The following STK33 variants were observed in gnomAD, a reference collection of about 807,000 sequenced individuals.
STK33 encodes serine/threonine-protein kinase 33.
In STK33, 52 loss-of-function variants were observed where a neutral mutation model predicts 58.0. The observed-to-expected ratio is 0.90, with a 90% CI of 0.72 to 1.13. The LOEUF is 1.13. Among genes scored for constraint, STK33 ranks in the 50% most tolerant of loss-of-function variants. STK33 has a pLI of 0.00. For missense variants in STK33, 630 were observed against 604.2 expected, an observed-to-expected ratio of 1.04 and a Z score of -0.45; for synonymous variants, 215 against 200.1, an observed-to-expected ratio of 1.07 and a Z score of -0.63.
At chr11:8,497,753 C>A (rs1345282617) in intron 1 of STK33, among the ~76,000 whole-genome samples, 2 of 152,192 alleles carry the variant, frequency 1.3e-5, no homozygotes, top group Non-Finnish European at 2.9e-5. Context: ...TGAGCCACCA[C>A]ACATGGCCAA....
intron 15 of STK33, among the ~76,000 whole-genome samples, chr11:8,394,585 T>C (rs1849030542): frequency 6.6e-6 from 1 of 152,192 alleles, no homozygotes; most frequent in African/African-American, 2.4e-5. Context: ...AATTGAGTCA[T>C]TATAGTAGTT....
intron 6 of STK33, among the ~76,000 whole-genome samples, chr11:8,471,094 AG>A (rs1372745208): frequency 6.6e-6 from 1 of 152,232 alleles, no homozygotes; most frequent in East Asian, 1.9e-4. Flanking sequence ...TATTTTGTAA[AG>A]TGAGTTAAAT....
intron 1 of STK33, among the ~76,000 whole-genome samples, chr11:8,546,479 A>G (rs976036983): frequency 6.6e-6 from 1 of 152,198 alleles, no homozygotes; most frequent in African/African-American, 2.4e-5. Context: ...ATTTTGAAAT[A>G]TAAAATAAAT....
Position 8,473,291 on chromosome 11 carries a change from A to G in STK33, c.226-15T>C. ...GTTCTTGAGGGCTGGGACCAAAAAA[A>G]AAATTAAAAAAAAAAAACTTTAAGA... On this transcript the variant is annotated splice_polypyrimidine_tract_variant and intron_variant, in intron 5 of 15. Coordinates refer to ENST00000687296, the MANE Select transcript of STK33 (RefSeq NM_001352389.2). 1 of 1,454,180 alleles carries G rather than the reference A, an allele frequency of 6.9e-7. No homozygotes were observed. The highest frequency in any genetic ancestry group is 1.2e-5 in the South Asian group (1 of 81,668). 90.1% of individuals were successfully genotyped at this position (1,454,180 alleles called of 1,614,324 possible). A position where few individuals can be genotyped will look rare whatever the true frequency, so the allele number is the denominator to read the frequency against.
At chr11:8,494,067 T>C (rs991928190) in intron 1 of STK33, among the ~76,000 whole-genome samples, 1 of 152,214 alleles carries the variant, frequency 6.6e-6, no homozygotes. Flanking sequence ...TCACCATTCC[T>C]ATTCAACAAA....
intron 1 of STK33, among the ~76,000 whole-genome samples, chr11:8,592,584 ACCTC>A (rs2032789679): frequency 6.6e-6 from 1 of 151,780 alleles, no homozygotes. Context: ...CTGCCCTTTG[ACCTC>A]CCTATAATTT....
the STK33 span, among the ~76,000 whole-genome samples, chr11:8,362,693 G>A: frequency 6.6e-6 from 1 of 152,172 alleles, no homozygotes; most frequent in African/African-American, 2.4e-5. Flanking sequence ...CGCTTCTCTA[G>A]AGCTGGGATC....
chr11:8,444,760 T>C (rs895074283), intron 11 of STK33, among the ~76,000 whole-genome samples: 2 of 152,054 alleles, frequency 1.3e-5, no homozygotes, highest in African/African-American at 4.8e-5. Flanking sequence ...ACTTGGATAA[T>C]TTAGTATAAA....
intron 1 of STK33, among the ~76,000 whole-genome samples, chr11:8,544,708 T>C (rs546452734): frequency 3.9e-5 from 6 of 152,246 alleles, no homozygotes; most frequent in African/African-American, 1.2e-4. Context: ...GAACCTACCA[T>C]TTATGCATGG....
At chr11:8,440,281 C>A (rs1474671199) in intron 12 of STK33, among the ~76,000 whole-genome samples, 1 of 152,026 alleles carries the variant, frequency 6.6e-6, no homozygotes, top group Admixed American at 6.6e-5. Context: ...CCACTCCCAC[C>A]TATGCTCTGC....
intron 1 of STK33, among the ~76,000 whole-genome samples, chr11:8,497,807 C>G (rs374919209): frequency 8.5e-5 from 13 of 152,264 alleles, no homozygotes; most frequent in African/African-American, 1.9e-4. Context: ...ACCTATCAAC[C>G]AAGAATTCTA....
chr11:8,477,781 C>A (rs1315845206), intron 2 of STK33, among the ~76,000 whole-genome samples: 1 of 152,132 alleles, frequency 6.6e-6, no homozygotes, highest in African/African-American at 2.4e-5. Flanking sequence ...TTGTCACAGA[C>A]TTCTGAGTAC....
At chr11:8,436,577 A>G (rs1034987792) in intron 12 of STK33, among the ~76,000 whole-genome samples, 2 of 152,230 alleles carry the variant, frequency 1.3e-5, no homozygotes, top group African/African-American at 4.8e-5. Flanking sequence ...GAAAAATACA[A>G]TGAGTTATCA....
intron 1 of STK33, among the ~76,000 whole-genome samples, chr11:8,583,992 C>T (rs2030962553): frequency 1.3e-5 from 2 of 151,118 alleles, no homozygotes; most frequent in Admixed American, 1.3e-4. Flanking sequence ...TGGCTGAGCT[C>T]AAAAAGCTAA....
At chr11:8,589,725 G>C (rs972208947) in intron 1 of STK33, among the ~76,000 whole-genome samples, 1 of 152,170 alleles carries the variant, frequency 6.6e-6, no homozygotes, top group African/African-American at 2.4e-5. Context: ...TACCATCAAA[G>C]AGATATGACA....
At chr11:8,528,458 G>A (rs181856255) in intron 1 of STK33, among the ~76,000 whole-genome samples, 48 of 152,284 alleles carry the variant, frequency 3.2e-4, no homozygotes, top group African/African-American at 1.2e-3. Context: ...GGTAACTGCT[G>A]CTAATCCAAG....
rs546643690 is a variant in STK33, at chr11:8,470,022, A to C, written c.339+3141T>G. ...AGGCCCTAGGAATTTCAAAACAATA[A>C]ATGAGCAGTGGCTTCAACTTAAAGT... On this transcript the variant is annotated intron_variant, in intron 6 of 15. Transcript: ENST00000687296. Among the ~76,000 whole-genome samples the C allele has an allele frequency of 5.9e-5, 9 of 152,354 alleles. No homozygotes were observed. In the South Asian group the frequency reaches 8.3e-4, roughly 14 times the overall value.
chr11:8,558,501 T>A (rs77013799), intron 1 of STK33, among the ~76,000 whole-genome samples: 8,640 of 152,224 alleles, frequency 0.057, 325 homozygotes, highest in Non-Finnish European at 0.076. Context: ...GCACCTTACC[T>A]TGAAAAAAAC....
intron 1 of STK33, chr11:8,554,980 T>A (rs1956631247): frequency 6.6e-6 from 1 of 152,154 alleles, no homozygotes; most frequent in Non-Finnish European, 1.5e-5. Context: ...GGGGACATTA[T>A]GTTAACTGAA....
Sources: gnomAD v4.1 joint callset for allele counts (sites outside exome capture counted in the v4.1 genomes callset) on GRCh38, gnomAD v4.1.1 for gene constraint, MANE v1.5 for transcripts, NCBI Gene and HGNC (gene_info 2026-07-23, HGNC 2026-07-21) for gene names.